Variants in PXDN observed in about 807,000 individuals in gnomAD.
PXDN encodes peroxidasin.
PXDN carries 77 observed loss-of-function variants against 140.3 expected under a neutral mutation model. The ratio of observed to expected loss-of-function variants is 0.55; its 90% confidence interval spans 0.46 to 0.66. The LOEUF (loss-of-function observed/expected upper bound fraction) is 0.66, where lower values mean the gene tolerates loss of function less well. PXDN is among the 30% of genes least tolerant of loss of function. PXDN has a pLI of 0.00. For missense variants in PXDN, 1,838 were observed against 2,039.5 expected (o/e 0.90, Z 1.90); for synonymous variants, 911 against 857.4 (o/e 1.06, Z -1.09).
intron 1 of PXDN, among the ~76,000 whole-genome samples, chr2:1,701,884 G>C (rs1684443378): frequency 6.6e-6 from 1 of 152,132 alleles, no homozygotes; most frequent in Non-Finnish European, 1.5e-5. Context: ...GAGGACACGA[G>C]GAGAAGGTCC....
intron 19 of PXDN, among the ~76,000 whole-genome samples, chr2:1,641,778 C>T (rs910283244): frequency 6.6e-6 from 1 of 152,168 alleles, no homozygotes; most frequent in Non-Finnish European, 1.5e-5. Context: ...TTTCAAAGGA[C>T]TTTGGATTTT....
In PXDN at chr2:1,658,058, CTCTCTCTCTCTCTCTCTCTCT is replaced by C. The variant is rs1683199151; in HGVS notation, c.1837+2802_1837+2822del. ...TCTCTCTCTCTCTCTCTCTCTCTCT[CTCTCTCTCTCTCTCTCTCTCT>C]CTCTCTCTCTCTCTGTTACAGTGTC... On this transcript the variant is annotated intron_variant, in intron 14 of 22. Transcript: ENST00000252804. Among the ~76,000 whole-genome samples, 11 of 126,898 alleles carry C rather than the reference CTCTCTCTCTCTCTCTCTCTCT, an allele frequency of 8.7e-5. 2 individuals carry two copies. Among genetic ancestry groups the C allele is most frequent in the African/African-American group, 2.8e-4 (9 of 31,928 alleles). 83.3% of individuals were successfully genotyped at this position (126,898 alleles called of 152,430 possible). A position where few individuals can be genotyped will look rare whatever the true frequency, so the allele number is the denominator to read the frequency against.
chr2:1,649,395 C>A lies in PXDN; in HGVS notation c.2385G>T (p.Pro795=). The A allele has an allele frequency of 6.2e-7, 1 of 1,613,854 alleles. No individual in the cohort carries two copies. Residue 795 remains proline, a synonymous_variant, in exon 17 of 23, where the codon CCG becomes CCT. Transcript: ENST00000252804. The surrounding 1 kb of genome is among the most constrained non-coding windows in gnomAD (Gnocchi z 7.1). ...CGATCAGGGTGGTGGACACCAGGCG[C>A]GGCATGGGAAGGGCGTGCCCGTTGT... The part of the protein sequence containing the change: ...RLYNGHALPM[P]RLVSTTLIGT...
rs530011242 is a variant in PXDN, at chr2:1,734,192, T to C, written c.200+10064A>G. 1.6e-4 allele frequency among the ~76,000 whole-genome samples: 24 copies of C among 152,340 alleles called. No individual in the cohort carries two copies. In the South Asian group the frequency reaches 4.6e-3, roughly 29 times the overall value. ...AATAAGTTAAAAATTGCAAAAAAGT[T>C]ATTCACATGAATGTTTTGGTCTCCC... On this transcript the variant is annotated intron_variant, in intron 1 of 22. Transcript: ENST00000252804.
At chr2:1,676,096 C>T (rs1683701020) in intron 8 of PXDN, among the ~76,000 whole-genome samples, 1 of 152,166 alleles carries the variant, frequency 6.6e-6, no homozygotes, top group Admixed American at 6.5e-5. Context: ...TGCCTTCCGG[C>T]AATCTGACCT....
intron 17 of PXDN, among the ~76,000 whole-genome samples, chr2:1,645,479 C>G (rs1458149820): frequency 6.6e-6 from 1 of 152,140 alleles, no homozygotes; most frequent in Non-Finnish European, 1.5e-5. Flanking sequence ...TTCTCACTGC[C>G]CTTTTCTACA....
chr2:1,659,241 G>C (rs1163718022), intron 14 of PXDN, among the ~76,000 whole-genome samples: 2 of 152,236 alleles, frequency 1.3e-5, no homozygotes, highest in Admixed American at 6.5e-5. Flanking sequence ...GATTAGGTGA[G>C]CTCATTGGCT....
chr2:1,648,104 C>T lies in PXDN; in HGVS notation c.3608+68G>A. 1 of 1,534,304 alleles carries T rather than the reference C, an allele frequency of 6.5e-7. No homozygotes were observed. Reference sequence around the variant, plus strand: ...CTCACACACAGAGACAAATAACACACACACCACAGTTCAGGTGTTCCAGGT... The same window carrying T: ...CTCACACACAGAGACAAATAACACATACACCACAGTTCAGGTGTTCCAGGT... On this transcript the variant is annotated intron_variant, in intron 17 of 22. Transcript: ENST00000252804. The surrounding 1 kb of genome is among the most constrained non-coding windows in gnomAD (Gnocchi z 8.9).
At chr2:1,708,826 G>A (rs73910866) in intron 1 of PXDN, among the ~76,000 whole-genome samples, 35,476 of 152,188 alleles carry the variant, frequency 0.23, 4,195 homozygotes, top group East Asian at 0.35. Flanking sequence ...CCAAGAGCAC[G>A]TGGAGTCTGG....
At chr2:1,657,873 C>T (rs1348686658) in intron 14 of PXDN, among the ~76,000 whole-genome samples, 8 of 147,920 alleles carry the variant, frequency 5.4e-5, no homozygotes, top group African/African-American at 1.6e-4. Context: ...GGACGTGCCC[C>T]CTCCTGACCG....
Position 1,648,210 on chromosome 2 carries a change from AT to A in PXDN, c.3569del (p.Asn1190MetfsTer12). Reference sequence around the variant, plus strand: ...CCCGGATCTCAGGGTTTTTAATCTCATTTTTCAGGTCCTCGAACGTGTGTGC... The same window carrying A: ...CCCGGATCTCAGGGTTTTTAATCTCATTTTCAGGTCCTCGAACGTGTGTGC... The part of the protein sequence containing the change: ...SAAHTFEDLK[N>X]EIKNPEIREK... On this transcript the variant is annotated frameshift_variant, in exon 17 of 23. Coordinates refer to ENST00000252804, the MANE Select transcript of PXDN (RefSeq NM_012293.3). LOFTEE classifies it high-confidence loss of function. The surrounding 1 kb of genome is among the most constrained non-coding windows in gnomAD (Gnocchi z 8.9). 1 of 1,612,948 alleles carries A rather than the reference AT, an allele frequency of 6.2e-7. No homozygotes were observed. Among genetic ancestry groups the A allele is most frequent in the Non-Finnish European group, 8.5e-7 (1 of 1,179,332 alleles).
intron 1 of PXDN, among the ~76,000 whole-genome samples, chr2:1,732,128 T>A (rs1378651375): frequency 6.6e-6 from 1 of 152,106 alleles, no homozygotes; most frequent in Non-Finnish European, 1.5e-5. Flanking sequence ...GTTTTCAAGT[T>A]ACTGGGCATC....
Position 1,639,348 on chromosome 2 carries a change from G to C in PXDN, c.4027C>G (p.Gln1343Glu), listed in dbSNP as rs774000388. The change falls in exon 20 of 23, where the codon CAG (glutamine) becomes GAG (glutamate). Residue 1343 changes from glutamine (Q) to glutamate (E), a missense_variant. By Grantham distance (29) the Gln-to-Glu change is conservative. Around this residue, in one of 5 missense-constraint regions of PXDN, gnomAD observed 850 missense variants for 894.1 expected, o/e 0.95. Transcript: ENST00000252804. The surrounding 1 kb of genome is among the most constrained non-coding windows in gnomAD (Gnocchi z 5.0). The part of the protein sequence containing the change: ...RGRRSLEFSY[Q>E]EDKPTKKTRP... Reference sequence around the variant, plus strand: ...GTTTTCTTGGTCGGCTTGTCCTCCTGGTAGCTGAACTCAAGAGACCGTCTG... The same window carrying C: ...GTTTTCTTGGTCGGCTTGTCCTCCTCGTAGCTGAACTCAAGAGACCGTCTG... The C allele has an allele frequency of 3.1e-6, 5 of 1,613,992 alleles. No individual in the cohort carries two copies. Among genetic ancestry groups the C allele is most frequent in the Non-Finnish European group, 4.2e-6 (5 of 1,179,878 alleles).
In PXDN at chr2:1,693,048, A is replaced by C; in HGVS notation, c.272+15T>G. The stretch of plus-strand genomic sequence containing the variant: ...CTATTTTTCTATTAGTTTCCAATAG[A>C]ATATTTCCACTCACAATGTGTTCAA... On this transcript the variant is annotated intron_variant, in intron 2 of 22. Transcript: ENST00000252804. 1.8e-5 allele frequency: 27 copies of C among 1,523,120 alleles called. No homozygotes were observed. Among genetic ancestry groups the C allele is most frequent in the Non-Finnish European group, 2.3e-5 (26 of 1,119,776 alleles). The allele number at this position is 1,523,120 out of a possible 1,614,324, so 94.4% of individuals were successfully genotyped here.
At chr2:1,675,431 A>G (rs576063227) in intron 8 of PXDN, among the ~76,000 whole-genome samples, 1 of 152,316 alleles carries the variant, frequency 6.6e-6, no homozygotes, top group South Asian at 2.1e-4. Context: ...AATGCACACA[A>G]CATAATACTG....
chr2:1,705,007 G>A (rs1684557511), intron 1 of PXDN, among the ~76,000 whole-genome samples: 1 of 152,124 alleles, frequency 6.6e-6, no homozygotes, highest in African/African-American at 2.4e-5. Flanking sequence ...GCACACACGA[G>A]CTAGTTAGTA....
chr2:1,677,792 C>T (rs1683761059), intron 7 of PXDN, among the ~76,000 whole-genome samples: 2 of 152,264 alleles, frequency 1.3e-5, no homozygotes, highest in South Asian at 4.1e-4. Flanking sequence ...GCTTCCATCT[C>T]TGCCTCGTCA....
At chr2:1,709,868 C>T (rs1229597369) in intron 1 of PXDN, among the ~76,000 whole-genome samples, 3 of 152,224 alleles carry the variant, frequency 2.0e-5, no homozygotes, top group African/African-American at 7.2e-5. Context: ...AAGAGGCCCT[C>T]ACCAGAACCC....
chr2:1,690,648 CAA>C (rs35970382), intron 3 of PXDN, among the ~76,000 whole-genome samples: 21 of 68,650 alleles, frequency 3.1e-4, no homozygotes, highest in East Asian at 2.4e-3. Flanking sequence ...TTCAAAATAC[CAA>C]AAAAAAAAAA....
Sources: allele counts gnomAD v4.1 joint callset (sites outside exome capture counted in the v4.1 genomes callset), GRCh38; gene constraint gnomAD v4.1.1; regional missense constraint gnomAD v4.1.1; non-coding constraint Gnocchi (gnomAD v3.1); transcripts MANE v1.5; gene names NCBI Gene and HGNC (gene_info 2026-07-23, HGNC 2026-07-21).